Variants in ZMYM6 observed in about 807,000 individuals in gnomAD.
ZMYM6 encodes the protein zinc finger MYM-type protein 6.
A neutral mutation model predicts 134.0 loss-of-function variants in ZMYM6; 90 were observed. The ratio of observed to expected loss-of-function variants is 0.67; its 90% CI spans 0.57 to 0.80. The LOEUF (loss-of-function observed/expected upper bound fraction) is 0.80. Ranked by LOEUF, ZMYM6 falls within the 30% of genes least tolerant of loss-of-function variation. ZMYM6 has a pLI of 0.00. For missense variants in ZMYM6, 1,362 were observed against 1,533.9 expected (o/e 0.89, Z 1.87); for synonymous variants, 481 against 524.1 (o/e 0.92, Z 1.12).
At chr1:35,015,811 C>A (rs947559094) in intron 4 of ZMYM6, among the ~76,000 whole-genome samples, 2 of 149,420 alleles carry the variant, frequency 1.3e-5, no homozygotes, top group African/African-American at 5.0e-5. Context: ...CCAGCCCCAA[C>A]CAAGTTTCAT....
intron 6 of ZMYM6, chr1:35,013,397 T>C: frequency 1.0e-6 from 1 of 983,714 alleles, no homozygotes; most frequent in Non-Finnish European, 1.2e-6. Flanking sequence ...TGTAGGAAAA[T>C]ATAAATTGTG....
rs777232785 is a variant in ZMYM6, at chr1:34,987,612, C to T, written c.3470G>A (p.Arg1157His). The change falls in exon 16 of 16, where the codon CGC becomes CAC. Residue 1157 changes from arginine to histidine, a missense_variant. By Grantham distance (29) the Arg-to-His change is conservative. Around this residue, in one of 3 missense-constraint regions of ZMYM6, gnomAD observed 824 missense variants for 940.9 expected, o/e 0.88. Transcript: ENST00000357182. ...FKRKLKMWLK[R>H]TQENDYDMFP... ...CATGTCATAATCATTCTCTTGTGTG[C>T]GCTTCAACCACATTTTTAACTTTCT... 60 of 1,607,152 alleles carry T rather than the reference C, an allele frequency of 3.7e-5. No homozygotes were observed. The highest frequency in any genetic ancestry group is 2.2e-4 in the South Asian group (20 of 90,052).
At position 34,988,705 on chromosome 1, in the gene ZMYM6, G is replaced by A; in HGVS notation, c.2377C>T (p.His793Tyr). 1 of 1,550,968 alleles carries A rather than the reference G, an allele frequency of 6.4e-7. No homozygotes were observed. The highest frequency in any genetic ancestry group is 2.4e-5 in the East Asian group (1 of 40,882). The stretch of plus-strand genomic sequence containing the variant: ...ACTGGTTTGTTTTCTAATTCTGAAT[G>A]TTTTGTCTTCAAATGATGAGAAAGA... Reference protein sequence around the residue: ...ANLSHHLKTKHSELENKPVDF... With the variant: ...ANLSHHLKTKYSELENKPVDF... The change falls in exon 16 of 16, where the codon CAT (histidine) becomes TAT (tyrosine). Residue 793 changes from histidine (H) to tyrosine (Y), a missense_variant. By Grantham distance (83) the His-to-Tyr change is moderately conservative (BLOSUM62 2). Transcript: ENST00000357182.
intron 2 of ZMYM6, among the ~76,000 whole-genome samples, chr1:35,028,442 G>T (rs962958825): frequency 6.6e-6 from 1 of 152,052 alleles, no homozygotes; most frequent in Non-Finnish European, 1.5e-5. Context: ...TAAAGCGAAA[G>T]AACTGTCCCA....
At chr1:35,021,691 A>G (rs1257237344) in intron 2 of ZMYM6, among the ~76,000 whole-genome samples, 1 of 152,228 alleles carries the variant, frequency 6.6e-6, no homozygotes, top group Admixed American at 6.5e-5. Flanking sequence ...CAATCATTTT[A>G]GATTTACAAG....
At chr1:35,012,659 G>C in intron 6 of ZMYM6, 78 bp from the exon 7 acceptor site, 2 of 1,552,310 alleles carry the variant, frequency 1.3e-6, no homozygotes, top group Non-Finnish European at 1.7e-6. Flanking sequence ...AAAAAGAAAA[G>C]CTACCTACAA....
chr1:35,021,173 T>C (rs1024510903), intron 2 of ZMYM6, among the ~76,000 whole-genome samples: 17 of 150,058 alleles, frequency 1.1e-4, no homozygotes, highest in Admixed American at 4.0e-4. Flanking sequence ...TGGAGTTTCA[T>C]TCTGTCACCC....
In ZMYM6 at chr1:35,011,051, A is replaced by G. The variant is rs761548320; in HGVS notation, c.1063-15T>C. ...CTAAATACATTCTGAATGAAAACAA[A>G]TAAGGTAAAGATTTTATCAACTGAG... On this transcript the variant is annotated splice_polypyrimidine_tract_variant and intron_variant, in intron 8 of 15. Transcript: ENST00000357182. 6.2e-7 allele frequency: 1 copy of G among 1,606,724 alleles called. No homozygotes were observed. The highest frequency in any genetic ancestry group is 2.2e-5 in the East Asian group (1 of 44,836).
At position 35,011,124 on chromosome 1, in the gene ZMYM6, G is replaced by T. The variant is rs1379434045; in HGVS notation, c.1063-88C>A. ...TCATTTCCTCATTTTAATAAATCAA[G>T]TCTCCCACAAACATTTTTTAAAATT... On this transcript the variant is annotated intron_variant, in intron 8 of 15. Transcript: ENST00000357182. The T allele has an allele frequency of 2.9e-6, 4 of 1,368,110 alleles. No individual in the cohort carries two copies. The African/African-American group carries it at 5.9e-5, about 20-fold the overall frequency. 84.7% of individuals were successfully genotyped at this position (1,368,110 alleles called of 1,614,324 possible).
chr1:35,015,723 C>CA (rs1331400824), intron 4 of ZMYM6, among the ~76,000 whole-genome samples: 896 of 51,012 alleles, frequency 0.018, 15 homozygotes, highest in African/African-American at 0.023. Context: ...GACTCCATCT[C>CA]AAAAAAAAAA....
intron 6 of ZMYM6, chr1:35,013,826 G>A (rs1044285092): frequency 8.3e-6 from 2 of 241,292 alleles, no homozygotes; most frequent in African/African-American, 2.3e-5. Context: ...TGAGTAGCTG[G>A]GATTACAGGC....
rs544188101 is a variant in ZMYM6, at chr1:35,026,425, T to C, written c.93+4122A>G. Among the ~76,000 whole-genome samples, 5 of 152,344 alleles carry C rather than the reference T, an allele frequency of 3.3e-5. No individual in the cohort carries two copies. In the South Asian group the frequency reaches 1.0e-3, roughly 32 times the overall value. On this transcript the variant is annotated intron_variant, in intron 2 of 15. Coordinates refer to ENST00000357182, the MANE Select transcript of ZMYM6 (RefSeq NM_007167.4). ...CCAATATTCAAAGGAGATTCATCAA[T>C]GCAACATAGAAAATAATACACAATT... is the stretch of plus-strand genomic sequence containing the variant.
intron 14 of ZMYM6, among the ~76,000 whole-genome samples, chr1:35,000,453 G>A (rs991492709): frequency 2.6e-5 from 4 of 151,212 alleles, no homozygotes; most frequent in Admixed American, 6.6e-5. Flanking sequence ...TGTCTAGGCT[G>A]GTCTCAAACC....
At chr1:35,015,373 A>C (rs1404683624) in intron 4 of ZMYM6, among the ~76,000 whole-genome samples, 1 of 152,170 alleles carries the variant, frequency 6.6e-6, no homozygotes, top group Non-Finnish European at 1.5e-5. Context: ...CTTCATGTAT[A>C]AAATGGGGCT....
chr1:35,000,868 A>G (rs1640868937), intron 14 of ZMYM6, among the ~76,000 whole-genome samples: 2 of 152,140 alleles, frequency 1.3e-5, no homozygotes, highest in Non-Finnish European at 2.9e-5. Context: ...GAGCAAATAA[A>G]CCAAATCTAA....
chr1:35,005,213 T>G lies in ZMYM6; in HGVS notation c.1873A>C (p.Thr625Pro). 5 of 1,614,124 alleles carry G rather than the reference T, an allele frequency of 3.1e-6. No individual in the cohort carries two copies. Among genetic ancestry groups the G allele is most frequent in the Non-Finnish European group, 4.2e-6 (5 of 1,179,994 alleles). The change falls in exon 13 of 16, where the codon ACA becomes CCA. Residue 625 changes from threonine to proline, a missense_variant. Transcript: ENST00000357182. ...GACATCACACTGGTTATAACTGGTG[T>G]TGTATCTGTCCTTGCAGAAGGGAGC... ...TELPSARTDT[T>P]PVITSVMSLA...
chr1:34,990,073 C>T (rs959414279), intron 15 of ZMYM6: 1 of 153,584 alleles, frequency 6.5e-6, no homozygotes, highest in Non-Finnish European at 1.5e-5. Flanking sequence ...AATTTTGATA[C>T]TCAGTGTCAG....
At chr1:35,002,764 T>C (rs913467664) in intron 14 of ZMYM6, among the ~76,000 whole-genome samples, 4 of 152,162 alleles carry the variant, frequency 2.6e-5, no homozygotes, top group African/African-American at 9.7e-5. Flanking sequence ...TCTAAAGTTA[T>C]TAAATTTGGG....
At chr1:34,991,489 G>A (rs1039736516) in intron 15 of ZMYM6, among the ~76,000 whole-genome samples, 1 of 151,986 alleles carries the variant, frequency 6.6e-6, no homozygotes, top group Non-Finnish European at 1.5e-5. Flanking sequence ...CAAAAATCAG[G>A]CCAGGGGCGG....
Sources: allele counts gnomAD v4.1 joint callset (sites outside exome capture counted in the v4.1 genomes callset), GRCh38; gene constraint gnomAD v4.1.1; regional missense constraint gnomAD v4.1.1; transcripts MANE v1.5; gene names NCBI Gene and HGNC (gene_info 2026-07-23, HGNC 2026-07-21).